RIF1: variants seen among roughly 807,000 people sequenced by gnomAD.
RIF1 encodes telomere-associated protein RIF1.
In RIF1, 45 loss-of-function variants were observed where a neutral mutation model predicts 247.1. The observed-to-expected ratio is 0.18, with a 90% CI of 0.14 to 0.23. The LOEUF (loss-of-function observed/expected upper bound fraction) is 0.23. Among genes scored for constraint, RIF1 ranks in the 10% least tolerant of loss-of-function variants. The pLI, the probability that RIF1 is intolerant of heterozygous loss-of-function variation, is 1.00. For synonymous variants in RIF1, 1,087 were observed against 978.8 expected (o/e 1.11, Z -2.06); for missense variants, 2,967 against 2,862.5 (o/e 1.04, Z -0.83).
At position 151,459,440 on chromosome 2, in the gene RIF1, A is replaced by G. The variant is rs150513326; in HGVS notation, c.2955+530A>G. On this transcript the variant is annotated intron_variant, in intron 25 of 35. Coordinates refer to ENST00000444746, the MANE Select transcript of RIF1 (RefSeq NM_018151.5). ...TTTTCTATTCAGGAGCAGCTAGGGT[A>G]TAGCTAATTTTGTTTAGAATCTTTG... 2.4e-3 allele frequency among the ~76,000 whole-genome samples: 370 copies of G among 152,320 alleles called. 1 individual carries two copies. The highest frequency in any genetic ancestry group is 8.2e-3 in the African/African-American group (343 of 41,576).
At chr2:151,492,583 G>T in intron 9 of RIF1, 1 of 956,250 alleles carries the variant, frequency 1.0e-6, no homozygotes, top group Non-Finnish European at 1.6e-6. Flanking sequence ...ATAGGAGCTG[G>T]TGAGGGACGC....
At chr2:151,491,926 A>G (rs2056919155) in intron 9 of RIF1, 1 of 961,096 alleles carries the variant, frequency 1.0e-6, no homozygotes, top group African/African-American at 1.6e-5. Flanking sequence ...GAGGAGAACA[A>G]AGATAAGGTA....
chr2:151,459,502 A>G (rs143302521), intron 25 of RIF1, among the ~76,000 whole-genome samples: 12 of 152,238 alleles, frequency 7.9e-5, no homozygotes, highest in Non-Finnish European at 2.9e-5. Flanking sequence ...TAAGTATCTC[A>G]TTTGCTTTTG....
chr2:151,524,614 G>A, the RIF1 span: 2 of 1,489,092 alleles, frequency 1.3e-6, no homozygotes, highest in Non-Finnish European at 1.8e-6. Context: ...TTCTGTAAGC[G>A]ACCTTTATTG....
the RIF1 span, chr2:151,525,239 C>A: frequency 1.9e-6 from 3 of 1,613,834 alleles, no homozygotes; most frequent in Non-Finnish European, 2.5e-6. Flanking sequence ...GTTGGATTTT[C>A]CTTTCTCCTT....
chr2:151,461,355 T>C (rs939723663), intron 27 of RIF1, 66 bp downstream of exon 27: 39 of 1,473,290 alleles, frequency 2.6e-5, no homozygotes, highest in Middle Eastern at 1.7e-4. Context: ...GCAAGAAAAG[T>C]GTAACTTTGT....
intron 26 of RIF1, among the ~76,000 whole-genome samples, chr2:151,460,486 T>G (rs1418671509): frequency 1.3e-5 from 2 of 150,160 alleles, no homozygotes; most frequent in African/African-American, 4.9e-5. Flanking sequence ...ACTTAATATT[T>G]TGAATAGAAA....
At chr2:151,493,626 T>G in intron 9 of RIF1, 1 of 737,826 alleles carries the variant, frequency 1.4e-6, no homozygotes, top group Non-Finnish European at 2.1e-6. Flanking sequence ...TGTGACCTCG[T>G]GGGGTTGGTT....
At chr2:151,456,840 C>T (rs1695278711) in intron 23 of RIF1, among the ~76,000 whole-genome samples, 2 of 151,880 alleles carry the variant, frequency 1.3e-5, no homozygotes, top group African/African-American at 2.4e-5. Context: ...TCAAGTGATT[C>T]TCCCACCTCA....
chr2:151,503,214 G>A, intron 12 of RIF1: 1 of 648,502 alleles, frequency 1.5e-6, no homozygotes. Context: ...ACATAATTTT[G>A]GTCAGGTAAT....
At chr2:151,526,109 G>A in the RIF1 span, 1 of 1,611,236 alleles carries the variant, frequency 6.2e-7, no homozygotes, top group Non-Finnish European at 8.5e-7. Context: ...CATCTGCCTG[G>A]GGCGTTCTCC....
In RIF1 at chr2:151,457,753, T is replaced by C. The variant is rs1457348515; in HGVS notation, c.2653-8T>C. ...TATGTTTTGCTTTTATTTTTTCGTT[T>C]TTCCTAGTTAGAAAAGCTACTGGGA... On this transcript the variant is annotated splice_polypyrimidine_tract_variant and splice_region_variant and intron_variant, in intron 23 of 35. Transcript: ENST00000444746. 1.2e-6 allele frequency: 2 copies of C among 1,611,608 alleles called. No individual in the cohort carries two copies. The highest frequency in any genetic ancestry group is 2.7e-5 in the African/African-American group (2 of 74,794).
chr2:151,426,011 G>A (rs1398444368), intron 8 of RIF1, among the ~76,000 whole-genome samples: 2 of 151,196 alleles, frequency 1.3e-5, no homozygotes, highest in African/African-American at 2.4e-5. Flanking sequence ...ATTGAACATA[G>A]GTGTAAAGAT....
the RIF1 span, chr2:151,534,291 C>T: frequency 1.4e-4 from 227 of 1,613,544 alleles, 1 homozygote; most frequent in East Asian, 1.1e-3. Context: ...TTTATCTTTC[C>T]GCTGCTCATA....
At chr2:151,504,216 G>T (rs144791747) in intron 12 of RIF1, among the ~76,000 whole-genome samples, 1 of 152,100 alleles carries the variant, frequency 6.6e-6, no homozygotes, top group Non-Finnish European at 1.5e-5. Flanking sequence ...GGGGAGCAAC[G>T]TACCCAGATT....
At chr2:151,460,702 T>C (rs1296014164) in intron 26 of RIF1, among the ~76,000 whole-genome samples, 2 of 152,038 alleles carry the variant, frequency 1.3e-5, no homozygotes, top group Non-Finnish European at 2.9e-5. Context: ...CAACTATAAA[T>C]AGAATTAAAG....
At chr2:151,522,232 T>C in the RIF1 span, among the ~76,000 whole-genome samples, 2 of 152,322 alleles carry the variant, frequency 1.3e-5, no homozygotes, top group South Asian at 4.1e-4. Context: ...TTGAGATGTA[T>C]ACTGGTGCTT....
At chr2:151,469,612 T>C (rs182839159) in intron 33 of RIF1, 99 bp from the exon 34 acceptor site, 4 of 919,884 alleles carry the variant, frequency 4.3e-6, no homozygotes, top group East Asian at 5.9e-5. Flanking sequence ...ACCTCAGTTA[T>C]GATTGAGCTT....
At chr2:151,508,681 AAGC>A (rs1024321186), downstream of RIF1, among the ~76,000 whole-genome samples, 105 of 152,352 alleles carry the variant, frequency 6.9e-4, no homozygotes, top group African/African-American at 2.4e-3. Context: ...ATGCTGCAGA[AAGC>A]AGCCTGACAG....
Sources: allele counts gnomAD v4.1 joint callset (sites outside exome capture counted in the v4.1 genomes callset), GRCh38; gene constraint gnomAD v4.1.1; transcripts MANE v1.5; gene names NCBI Gene and HGNC (gene_info 2026-07-23, HGNC 2026-07-21).